SPAG16: variants seen among roughly 807,000 people sequenced by gnomAD.
SPAG16 encodes the protein sperm-associated antigen 16 protein.
Under a neutral mutation model 80.4 loss-of-function variants are expected in SPAG16, and 86 were observed. That is an observed-to-expected ratio of 1.07 (90% CI 0.90 to 1.28). The LOEUF is 1.28. Among genes scored for constraint, SPAG16 ranks in the 50% most tolerant of loss-of-function variants. The pLI is 0.00. For missense variants in SPAG16, 870 were observed against 765.3 expected (o/e 1.14, Z -1.61); for synonymous variants, 294 against 265.9 (o/e 1.11, Z -1.03).
At chr2:213,421,843 G>C (rs961838196) in intron 9 of SPAG16, among the ~76,000 whole-genome samples, 4 of 151,978 alleles carry the variant, frequency 2.6e-5, no homozygotes, top group Non-Finnish European at 5.9e-5. Context: ...TCATCAGGAC[G>C]ACCTGCCCGC....
At chr2:213,398,539 T>G (rs2068157220) in intron 9 of SPAG16, among the ~76,000 whole-genome samples, 1 of 152,168 alleles carries the variant, frequency 6.6e-6, no homozygotes, top group Non-Finnish European at 1.5e-5. Context: ...TGCACTTGAG[T>G]TTTTATCTTC....
intron 9 of SPAG16, among the ~76,000 whole-genome samples, chr2:213,452,436 A>G (rs1271868000): frequency 1.3e-5 from 2 of 151,700 alleles, no homozygotes; most frequent in East Asian, 3.9e-4. Context: ...CAGATTCTTT[A>G]TTTTTCTTTT....
chr2:213,843,113 C>CT (rs199599468), intron 10 of SPAG16, among the ~76,000 whole-genome samples: 125 of 145,066 alleles, frequency 8.6e-4, no homozygotes, highest in African/African-American at 2.2e-3. Context: ...TTGTAGACAT[C>CT]TTTTTTTTTT....
intron 10 of SPAG16, among the ~76,000 whole-genome samples, chr2:213,828,681 T>C (rs1559501533): frequency 6.6e-6 from 1 of 152,206 alleles, no homozygotes; most frequent in Non-Finnish European, 1.5e-5. Flanking sequence ...GCTTTTCAGG[T>C]ATTTGAAGAG....
intron 15 of SPAG16, among the ~76,000 whole-genome samples, chr2:214,375,596 G>A (rs1700077026): frequency 6.6e-6 from 1 of 152,124 alleles, no homozygotes; most frequent in South Asian, 2.1e-4. Flanking sequence ...TCGCTGTGCA[G>A]CAATACTGTT....
At chr2:214,048,687 T>G (rs2049474171) in intron 13 of SPAG16, among the ~76,000 whole-genome samples, 1 of 152,162 alleles carries the variant, frequency 6.6e-6, no homozygotes. Context: ...AATTGTACAC[T>G]GTAAAATAAC....
intron 12 of SPAG16, among the ~76,000 whole-genome samples, chr2:213,942,580 C>T (rs1412569568): frequency 6.6e-6 from 1 of 152,146 alleles, no homozygotes; most frequent in Non-Finnish European, 1.5e-5. Context: ...AATAGTCATT[C>T]ACGTGTTTGA....
At chr2:213,904,544 G>GAGATTTGGGTGGGGACACAGAGCCA (rs2077354751) in intron 11 of SPAG16, among the ~76,000 whole-genome samples, 1 of 140,148 alleles carries the variant, frequency 7.1e-6, no homozygotes, top group South Asian at 2.4e-4. Context: ...AATTCAAGAT[G>GAGATTTGGGTGGGGACACAGAGCCA]AGATTTGGGT....
At chr2:214,009,344 G>C (rs1406923402) in intron 12 of SPAG16, among the ~76,000 whole-genome samples, 1 of 152,020 alleles carries the variant, frequency 6.6e-6, no homozygotes, top group Non-Finnish European at 1.5e-5. Flanking sequence ...AGTAAAAAGT[G>C]CATCCAAGCA....
At chr2:214,191,217 T>C (rs2057651572) in intron 15 of SPAG16, among the ~76,000 whole-genome samples, 1 of 152,078 alleles carries the variant, frequency 6.6e-6, no homozygotes, top group Non-Finnish European at 1.5e-5. Context: ...ATATTTTTGA[T>C]TTAGTGAGAA....
chr2:214,254,573 GA>G (rs797015435), intron 15 of SPAG16, among the ~76,000 whole-genome samples: 14 of 152,126 alleles, frequency 9.2e-5, no homozygotes, highest in African/African-American at 3.4e-4. Flanking sequence ...TGAGAGACCT[GA>G]ATAGCCAAAT....
chr2:213,792,576 C>T (rs960638615), intron 10 of SPAG16, among the ~76,000 whole-genome samples: 13 of 78,238 alleles, frequency 1.7e-4, no homozygotes, highest in South Asian at 1.1e-3. Context: ...AAATGAGTAT[C>T]TTTTTTTTTT....
chr2:213,986,890 G>GAAAAA (rs2046032677), intron 12 of SPAG16, among the ~76,000 whole-genome samples: 1 of 22,084 alleles, frequency 4.5e-5, no homozygotes, highest in African/African-American at 2.5e-4. Flanking sequence ...CTCTGGTATA[G>GAAAAA]CAAAAAAAAA....
chr2:214,228,760 T>C (rs1225580693), intron 15 of SPAG16, among the ~76,000 whole-genome samples: 1 of 151,916 alleles, frequency 6.6e-6, no homozygotes, highest in East Asian at 1.9e-4. Context: ...TCAAGCACTG[T>C]TGCAGTCATA....
At chr2:214,218,458 C>T (rs901230680) in intron 15 of SPAG16, among the ~76,000 whole-genome samples, 2 of 152,130 alleles carry the variant, frequency 1.3e-5, no homozygotes, top group Admixed American at 6.6e-5. Context: ...TTTGCCTCCA[C>T]GCTGCCTTTA....
At chr2:213,683,139 A>G (rs2064481257) in intron 10 of SPAG16, among the ~76,000 whole-genome samples, 1 of 152,240 alleles carries the variant, frequency 6.6e-6, no homozygotes, top group Admixed American at 6.5e-5. Context: ...TTCTAAGCAT[A>G]TAAGTAAAAC....
chr2:213,911,821 T>A, intron 11 of SPAG16, among the ~76,000 whole-genome samples: 1 of 99,334 alleles, frequency 1.0e-5, no homozygotes, highest in Middle Eastern at 5.9e-3. Flanking sequence ...GTTTGAAAAA[T>A]GAGAAACAGT....
At chr2:213,603,192 C>T (rs948852202) in intron 10 of SPAG16, among the ~76,000 whole-genome samples, 3 of 152,210 alleles carry the variant, frequency 2.0e-5, no homozygotes, top group African/African-American at 7.2e-5. Flanking sequence ...ATCTGTCCAC[C>T]TCTAGTCTTT....
chr2:213,419,974 G>A (rs1351220180), intron 9 of SPAG16, among the ~76,000 whole-genome samples: 1 of 152,122 alleles, frequency 6.6e-6, no homozygotes. Context: ...ATGACAGGTT[G>A]CATTTACAAT....
Sources: gnomAD v4.1 joint callset for allele counts (sites outside exome capture counted in the v4.1 genomes callset) on GRCh38, gnomAD v4.1.1 for gene constraint, MANE v1.5 for transcripts, NCBI Gene and HGNC (gene_info 2026-07-23, HGNC 2026-07-21) for gene names.